The following CCSER1 variants were observed in gnomAD, a reference collection of about 807,000 sequenced individuals.
CCSER1 encodes coiled-coil serine rich protein 1, also known as serine-rich coiled-coil domain-containing protein 1.
In CCSER1, 41 loss-of-function variants were observed where a neutral mutation model predicts 82.0. The ratio of observed to expected loss-of-function variants is 0.50; its 90% CI spans 0.39 to 0.65. The LOEUF is 0.65. CCSER1 is among the 30% of genes least tolerant of loss of function. The probability of loss-of-function intolerance (pLI) is 0.00; values close to 1 mark genes in which losing one functional copy is unlikely to be tolerated. For synonymous variants in CCSER1, 414 were observed against 383.9 expected (o/e 1.08, Z -0.92); for missense variants, 1,119 against 1,064.2 (o/e 1.05, Z -0.72).
chr4:91,263,783 CT>C (rs1560551894), intron 10 of CCSER1, among the ~76,000 whole-genome samples: 1 of 151,764 alleles, frequency 6.6e-6, no homozygotes, highest in Non-Finnish European at 1.5e-5. Context: ...ATTGGAAAAT[CT>C]TTTTTAAATA....
At chr4:90,312,705 G>A (rs1334147334) in intron 2 of CCSER1, among the ~76,000 whole-genome samples, 158 bp from the exon 3 acceptor site, 1 of 152,178 alleles carries the variant, frequency 6.6e-6, no homozygotes, top group Non-Finnish European at 1.5e-5. Context: ...GAGATTACAT[G>A]ATTAAGTGAA....
chr4:91,248,138 A>T (rs1739957730), intron 10 of CCSER1, among the ~76,000 whole-genome samples: 1 of 152,210 alleles, frequency 6.6e-6, no homozygotes, highest in Non-Finnish European at 1.5e-5. Flanking sequence ...AAACAACAAG[A>T]TAAACAAAAT....
intron 10 of CCSER1, among the ~76,000 whole-genome samples, chr4:91,180,858 G>A (rs962855869): frequency 5.3e-5 from 8 of 152,202 alleles, no homozygotes; most frequent in Non-Finnish European, 8.8e-5. Context: ...CCAGTCATTA[G>A]CATTGTTTCT....
chr4:90,462,157 AT>A (rs1259758658), intron 4 of CCSER1, among the ~76,000 whole-genome samples: 1 of 152,174 alleles, frequency 6.6e-6, no homozygotes, highest in African/African-American at 2.4e-5. Context: ...TTACTGGTTC[AT>A]TTTGGTATTT....
intron 10 of CCSER1, among the ~76,000 whole-genome samples, chr4:91,382,121 T>G (rs1344871573): frequency 2.6e-5 from 4 of 152,212 alleles, no homozygotes; most frequent in Non-Finnish European, 5.9e-5. Context: ...CTGGAAGCTT[T>G]GTCTCAGAGG....
intron 5 of CCSER1, among the ~76,000 whole-genome samples, chr4:90,578,467 C>T (rs1195464448): frequency 6.6e-6 from 1 of 152,076 alleles, no homozygotes; most frequent in African/African-American, 2.4e-5. Flanking sequence ...CTGACCCTAC[C>T]TTTTGCCTAT....
At chr4:90,921,561 T>G (rs1234119447) in intron 8 of CCSER1, among the ~76,000 whole-genome samples, 3 of 152,004 alleles carry the variant, frequency 2.0e-5, no homozygotes, top group Non-Finnish European at 4.4e-5. Flanking sequence ...TTAATAAAGT[T>G]GTTTGGAATT....
chr4:91,574,852 T>G (rs945279681), intron 10 of CCSER1, among the ~76,000 whole-genome samples: 1 of 151,848 alleles, frequency 6.6e-6, no homozygotes, highest in African/African-American at 2.4e-5. Context: ...AATATACCCA[T>G]GTAACAAACC....
intron 10 of CCSER1, among the ~76,000 whole-genome samples, chr4:91,180,075 C>A (rs1733849018): frequency 6.6e-6 from 1 of 152,200 alleles, no homozygotes; most frequent in South Asian, 2.1e-4. Context: ...TGGAGGTCCA[C>A]TCTAGACCCT....
intron 1 of CCSER1, among the ~76,000 whole-genome samples, chr4:90,220,884 T>G (rs1742020609): frequency 6.6e-6 from 1 of 152,222 alleles, no homozygotes. Flanking sequence ...TTAATTTTTC[T>G]TATTCCCTTC....
chr4:90,879,624 G>A (rs71611404), intron 8 of CCSER1, among the ~76,000 whole-genome samples: 14 of 144,460 alleles, frequency 9.7e-5, no homozygotes, highest in Admixed American at 4.2e-4. Flanking sequence ...AGGAGGAGGA[G>A]GAGGAAAGAA....
At chr4:90,926,316 CTT>C (rs934962176) in intron 9 of CCSER1, among the ~76,000 whole-genome samples, 2 of 151,898 alleles carry the variant, frequency 1.3e-5, no homozygotes, top group African/African-American at 2.4e-5. Flanking sequence ...TTCTTATACT[CTT>C]TTGTTTTCTT....
chr4:91,068,880 AT>A (rs912421022), intron 9 of CCSER1, among the ~76,000 whole-genome samples: 1 of 152,204 alleles, frequency 6.6e-6, no homozygotes, highest in Admixed American at 6.5e-5. Flanking sequence ...AAATGGAGAC[AT>A]TTTTAAAATT....
intron 10 of CCSER1, among the ~76,000 whole-genome samples, chr4:91,216,351 G>C (rs113062798): frequency 2.6e-5 from 4 of 152,062 alleles, no homozygotes; most frequent in African/African-American, 7.2e-5. Context: ...ACAGAGTCTC[G>C]CTCTGTCGCC....
intron 10 of CCSER1, among the ~76,000 whole-genome samples, chr4:91,137,701 AT>A (rs1728620002): frequency 6.6e-6 from 1 of 151,612 alleles, no homozygotes; most frequent in African/African-American, 2.4e-5. Flanking sequence ...AATGATTGCC[AT>A]TCTAACTGGT....
intron 5 of CCSER1, among the ~76,000 whole-genome samples, chr4:90,622,432 C>T (rs550548740): frequency 1.1e-3 from 161 of 152,250 alleles, no homozygotes; most frequent in African/African-American, 3.7e-3. Flanking sequence ...CCCAACCCCT[C>T]GACAGGCCCC....
intron 10 of CCSER1, among the ~76,000 whole-genome samples, chr4:91,508,225 G>A (rs1578652100): frequency 1.0e-5 from 1 of 99,072 alleles, no homozygotes; most frequent in South Asian, 3.4e-4. Flanking sequence ...TAAGCATGTT[G>A]TTAACTGGGT....
At chr4:91,212,904 T>G (rs1235690993) in intron 10 of CCSER1, among the ~76,000 whole-genome samples, 1 of 152,084 alleles carries the variant, frequency 6.6e-6, no homozygotes, top group Non-Finnish European at 1.5e-5. Context: ...CTCCCTACTC[T>G]TATAGCCCCC....
intron 5 of CCSER1, among the ~76,000 whole-genome samples, chr4:90,524,319 C>T (rs544815785): frequency 3.3e-4 from 51 of 152,302 alleles, no homozygotes; most frequent in African/African-American, 1.2e-3. Context: ...ATCACCACAG[C>T]AAGCTGCCAT....
Sources: gnomAD v4.1 joint callset for allele counts (sites outside exome capture counted in the v4.1 genomes callset) on GRCh38, gnomAD v4.1.1 for gene constraint, MANE v1.5 for transcripts, NCBI Gene and HGNC (gene_info 2026-07-23, HGNC 2026-07-21) for gene names.